The following ABI3BP variants were observed in gnomAD, a reference collection of about 807,000 sequenced individuals.
The protein encoded by ABI3BP is target of Nesh-SH3.
In ABI3BP, 216 loss-of-function variants were observed where a neutral mutation model predicts 268.6. The observed-to-expected ratio is 0.80, with a 90% CI of 0.72 to 0.90. The LOEUF (loss-of-function observed/expected upper bound fraction) is 0.90, where lower values mean the gene tolerates loss of function less well. Ranked by LOEUF, ABI3BP falls within the 40% of genes least tolerant of loss-of-function variation. The pLI is 0.00. For missense variants in ABI3BP, 2,090 were observed against 2,182.4 expected, an observed-to-expected ratio of 0.96 and a Z score of 0.84; for synonymous variants, 730 against 730.0, an observed-to-expected ratio of 1.00 and a Z score of 0.00.
chr3:100,887,871 T>C (rs956625822), intron 4 of ABI3BP, among the ~76,000 whole-genome samples: 4 of 152,070 alleles, frequency 2.6e-5, no homozygotes, highest in Non-Finnish European at 4.4e-5. Context: ...GCTACGTAAT[T>C]TGTGGGGCTC....
At position 100,879,148 on chromosome 3, in the gene ABI3BP, G is replaced by A. The variant is rs986857840; in HGVS notation, c.697-2588C>T. On this transcript the variant is annotated intron_variant, in intron 6 of 67. Coordinates refer to ENST00000471714, the MANE Select transcript of ABI3BP (RefSeq NM_001375547.2). Reference sequence around the variant, plus strand: ...GCCTAACTGAAACTTCCTACCCGTTGTCAATATCTCCTCACTGCCCCCTTG... The same window carrying A: ...GCCTAACTGAAACTTCCTACCCGTTATCAATATCTCCTCACTGCCCCCTTG... 2.6e-5 allele frequency among the ~76,000 whole-genome samples: 4 copies of A among 152,132 alleles called. No individual in the cohort carries two copies. In the South Asian group the frequency reaches 8.3e-4, roughly 32 times the overall value.
rs74974775 is a variant in ABI3BP, at chr3:100,871,298, A to G, written c.910+3543T>C. On this transcript the variant is annotated intron_variant, in intron 9 of 67. Coordinates refer to ENST00000471714, the MANE Select transcript of ABI3BP (RefSeq NM_001375547.2). ...ATCTTGGATGCTTGAAGCATATACA[A>G]TAAAAAATTTTAAAAAATTGTATAT... 1.3e-3 allele frequency among the ~76,000 whole-genome samples: 199 copies of G among 152,352 alleles called. 8 individuals are homozygous for G. The East Asian group carries it at 0.03, about 23-fold the overall frequency.
At chr3:100,804,257 A>G (rs890167120) in intron 51 of ABI3BP, among the ~76,000 whole-genome samples, 1 of 152,170 alleles carries the variant, frequency 6.6e-6, no homozygotes, top group Non-Finnish European at 1.5e-5. Context: ...TTGGCAAAAA[A>G]CAGATTTGTA....
At chr3:100,788,716 C>T (rs990257138) in intron 56 of ABI3BP, among the ~76,000 whole-genome samples, 1 of 151,986 alleles carries the variant, frequency 6.6e-6, no homozygotes, top group Admixed American at 6.6e-5. Flanking sequence ...TATATGGACT[C>T]TACATAAACC....
At chr3:100,816,573 T>C in intron 43 of ABI3BP, 115 bp downstream of exon 43, 2 of 886,794 alleles carry the variant, frequency 2.3e-6, no homozygotes, top group Non-Finnish European at 1.8e-6. Context: ...ATTTGATTCT[T>C]AGAAAACATG....
intron 17 of ABI3BP, 94 bp from the exon 18 acceptor site, chr3:100,848,969 T>A: frequency 1.1e-6 from 1 of 945,578 alleles, no homozygotes; most frequent in Non-Finnish European, 1.7e-6. Flanking sequence ...GTACAAGAAC[T>A]GCTTTATATT....
intron 20 of ABI3BP, chr3:100,843,846 C>T (rs2098737698): frequency 2.0e-6 from 2 of 984,976 alleles, no homozygotes; most frequent in African/African-American, 1.7e-5. Context: ...AGTTGCCTTC[C>T]ACAAGTGAAA....
intron 6 of ABI3BP, among the ~76,000 whole-genome samples, chr3:100,883,993 G>C (rs1042687508): frequency 6.6e-6 from 1 of 152,022 alleles, no homozygotes; most frequent in Non-Finnish European, 1.5e-5. Flanking sequence ...TTGATGATAA[G>C]AAATATGTTC....
chr3:100,749,487 C>T lies in ABI3BP; in HGVS notation c.*1008G>A, dbSNP rs536809745. On this transcript the variant is annotated 3_prime_UTR_variant, in exon 68 of 68. Coordinates refer to ENST00000471714, the MANE Select transcript of ABI3BP (RefSeq NM_001375547.2). The stretch of plus-strand genomic sequence containing the variant: ...ACAGTGCAGCAAGGATTCCCATTCC[C>T]CGCCTAAAGGACAATACCTTTTTAA... 2.5e-6 allele frequency: 1 copy of T among 395,058 alleles called. No homozygotes were observed. Among genetic ancestry groups the T allele is most frequent in the South Asian group, 1.4e-4 (1 of 6,940 alleles). The allele number at this position is 395,058 out of a possible 1,614,324, so 24.5% of individuals were successfully genotyped here.
chr3:100,799,273 C>T (rs1323818717), intron 51 of ABI3BP, among the ~76,000 whole-genome samples: 2 of 152,130 alleles, frequency 1.3e-5, no homozygotes, highest in Admixed American at 6.6e-5. Context: ...CCACTCATTT[C>T]CTGCAACAGT....
chr3:100,828,084 A>C (rs907613797), intron 34 of ABI3BP, among the ~76,000 whole-genome samples: 3 of 152,180 alleles, frequency 2.0e-5, no homozygotes, highest in South Asian at 2.1e-4. Flanking sequence ...GGATATATTA[A>C]GAAACTTCTG....
intron 62 of ABI3BP, 136 bp downstream of exon 62, chr3:100,770,607 A>T: frequency 1.4e-6 from 1 of 691,820 alleles, no homozygotes; most frequent in Non-Finnish European, 2.2e-6. Context: ...AATGTGCCTT[A>T]AAGGCAGCAA....
chr3:100,961,648 T>C (rs35530876), intron 1 of ABI3BP, among the ~76,000 whole-genome samples: 16,123 of 152,214 alleles, frequency 0.11, 1,115 homozygotes, highest in Non-Finnish European at 0.15. Context: ...ATTCCATGTG[T>C]TATAAAAATT....
At chr3:100,807,649 G>A (rs1039094532) in intron 50 of ABI3BP, among the ~76,000 whole-genome samples, 11 of 151,966 alleles carry the variant, frequency 7.2e-5, no homozygotes, top group Admixed American at 5.9e-4. Context: ...TGGGAATCCA[G>A]AATCACTACC....
At chr3:100,838,529 A>G (rs1369331163) in intron 24 of ABI3BP, 65 bp from the exon 25 acceptor site, 4 of 1,281,010 alleles carry the variant, frequency 3.1e-6, no homozygotes, top group African/African-American at 2.9e-5. Flanking sequence ...ATTAAGGACA[A>G]TTATGCAGAA....
chr3:100,956,264 T>G (rs866553135), intron 1 of ABI3BP, among the ~76,000 whole-genome samples: 2 of 135,428 alleles, frequency 1.5e-5, no homozygotes, highest in Non-Finnish European at 1.6e-5. Context: ...CACACACATA[T>G]GGCATGTCAA....
chr3:100,867,661 A>AG (rs397825984), intron 9 of ABI3BP, among the ~76,000 whole-genome samples: 4 of 150,910 alleles, frequency 2.7e-5, no homozygotes, highest in African/African-American at 9.7e-5. Context: ...AAAAAAAAAA[A>AG]GAAAATTTCC....
chr3:100,815,905 T>C lies in ABI3BP; in HGVS notation c.3289+7A>G, dbSNP rs1342470213. On this transcript the variant is annotated splice_region_variant and intron_variant, in intron 44 of 67. Transcript: ENST00000471714. ...AAGCATTTAATGCAAGTCACAAAAA[T>C]CATTACCAAATGTTGTTCCTGGAGC... The C allele has an allele frequency of 4.0e-5, 61 of 1,519,526 alleles. No individual in the cohort carries two copies. Among genetic ancestry groups the C allele is most frequent in the Non-Finnish European group, 5.1e-5 (58 of 1,141,974 alleles). The allele number at this position is 1,519,526 out of a possible 1,614,324, so 94.1% of individuals were successfully genotyped here.
intron 6 of ABI3BP, among the ~76,000 whole-genome samples, chr3:100,884,288 G>GA (rs889941363): frequency 1.7e-4 from 25 of 148,188 alleles, no homozygotes; most frequent in Non-Finnish European, 1.9e-4. Context: ...AAGAGAGCGA[G>GA]AAAAAAAAAC....
Sources: gnomAD v4.1 joint callset for allele counts (sites outside exome capture counted in the v4.1 genomes callset) on GRCh38, gnomAD v4.1.1 for gene constraint, MANE v1.5 for transcripts, NCBI Gene and HGNC (gene_info 2026-07-23, HGNC 2026-07-21) for gene names.